SH3RF3: variants seen among roughly 807,000 people sequenced by gnomAD.
The protein encoded by SH3RF3 is E3 ubiquitin-protein ligase SH3RF3.
SH3RF3 carries 29 observed loss-of-function variants against 66.3 expected under a neutral mutation model. The observed-to-expected ratio is 0.44, with a 90% CI of 0.33 to 0.60. The LOEUF is 0.60. Among genes scored for constraint, SH3RF3 ranks in the 20% least tolerant of loss-of-function variants. The pLI, the probability that SH3RF3 is intolerant of heterozygous loss-of-function variation, is 0.04. For missense variants in SH3RF3, 1,194 were observed against 1,190.9 expected, an observed-to-expected ratio of 1.00 and a Z score of -0.04; for synonymous variants, 583 against 532.0, an observed-to-expected ratio of 1.10 and a Z score of -1.32.
intron 8 of SH3RF3, among the ~76,000 whole-genome samples, chr2:109,467,551 G>A (rs1263202702): frequency 2.0e-5 from 3 of 152,248 alleles, no homozygotes; most frequent in Non-Finnish European, 4.4e-5. Flanking sequence ...ACATCGCCCA[G>A]ATGGTGGGGC....
rs151325297 is a variant in SH3RF3 at position 109,387,828 on chromosome 2, T to C, written c.946-10762T>C. 6.5e-3 allele frequency among the ~76,000 whole-genome samples: 993 copies of C among 151,856 alleles called. 10 individuals are homozygous for C. The highest frequency in any genetic ancestry group is 0.052 in the East Asian group (271 of 5,162). On this transcript the variant is annotated intron_variant, in intron 3 of 9. Transcript: ENST00000309415. ...CTGCAGTAGGTGCCCAATTCCACCT[T>C]CTTCTTCCAAAGCAACAGCCCCAGA...
intron 1 of SH3RF3, among the ~76,000 whole-genome samples, chr2:109,145,197 A>G (rs1471772642): frequency 6.6e-6 from 1 of 152,076 alleles, no homozygotes; most frequent in African/African-American, 2.4e-5. Flanking sequence ...TGCTTCTGAG[A>G]CAGAGCCGTG....
At position 109,329,152 on chromosome 2, in the gene SH3RF3, G is replaced by A. The variant is rs115367870; in HGVS notation, c.574-18522G>A. On this transcript the variant is annotated intron_variant, in intron 1 of 9. Coordinates refer to ENST00000309415, the MANE Select transcript of SH3RF3 (RefSeq NM_001099289.3). Reference sequence around the variant, plus strand: ...CCTCTCTCCTACATTGGTTTCTCTCGTGTGGTTTCTCTGCGCATTTGTTTG... The same window carrying A: ...CCTCTCTCCTACATTGGTTTCTCTCATGTGGTTTCTCTGCGCATTTGTTTG... Among the ~76,000 whole-genome samples the A allele has an allele frequency of 7.5e-3, 1,147 of 152,128 alleles. 8 individuals carry two copies. The highest frequency in any genetic ancestry group is 0.024 in the Middle Eastern group (7 of 294).
intron 1 of SH3RF3, among the ~76,000 whole-genome samples, chr2:109,167,064 A>G (rs1677645792): frequency 1.3e-5 from 2 of 152,234 alleles, no homozygotes; most frequent in African/African-American, 4.8e-5. Flanking sequence ...CATGGAGGTC[A>G]GGCCAGTGGG....
At chr2:109,200,872 G>A (rs1003032914) in intron 1 of SH3RF3, among the ~76,000 whole-genome samples, 9 of 152,344 alleles carry the variant, frequency 5.9e-5, no homozygotes, top group Admixed American at 5.2e-4. Context: ...CCTGTCATGG[G>A]GTTTCCTATG....
chr2:109,501,121 G>C (rs2104417564), intron 9 of SH3RF3, among the ~76,000 whole-genome samples: 1 of 152,186 alleles, frequency 6.6e-6, no homozygotes, highest in Admixed American at 6.5e-5. Flanking sequence ...TGGGGCAAAT[G>C]GGGACACAGT....
chr2:109,321,345 T>C (rs1380005259), intron 1 of SH3RF3, among the ~76,000 whole-genome samples: 1 of 152,254 alleles, frequency 6.6e-6, no homozygotes, highest in East Asian at 1.9e-4. Context: ...GCCTCTTCCA[T>C]ACCAGAACGT....
chr2:109,497,485 C>T (rs540283671), intron 9 of SH3RF3, among the ~76,000 whole-genome samples: 1 of 152,326 alleles, frequency 6.6e-6, no homozygotes, highest in East Asian at 1.9e-4. Flanking sequence ...TCCTTGAGCC[C>T]TGTGTCTGAA....
intron 8 of SH3RF3, among the ~76,000 whole-genome samples, chr2:109,488,476 C>A (rs1311101378): frequency 2.0e-5 from 3 of 152,188 alleles, no homozygotes; most frequent in Non-Finnish European, 4.4e-5. Context: ...GCTGACGGGC[C>A]CAGCTGCAGG....
chr2:109,265,390 T>G (rs1288293039), intron 1 of SH3RF3, among the ~76,000 whole-genome samples: 1 of 152,228 alleles, frequency 6.6e-6, no homozygotes, highest in Admixed American at 6.5e-5. Context: ...CCTCACAGTT[T>G]ATCAGATGGT....
chr2:109,350,553 C>T (rs1648639621), intron 2 of SH3RF3, among the ~76,000 whole-genome samples: 2 of 152,234 alleles, frequency 1.3e-5, no homozygotes, highest in Non-Finnish European at 2.9e-5. Context: ...TTGGCCACCC[C>T]TGCTACCTGT....
chr2:109,283,684 C>T (rs1419416982), intron 1 of SH3RF3, among the ~76,000 whole-genome samples: 1 of 152,160 alleles, frequency 6.6e-6, no homozygotes, highest in Non-Finnish European at 1.5e-5. Flanking sequence ...GACAGTAGCC[C>T]CCTTTTGTGG....
At chr2:109,336,439 A>G (rs1161670775) in intron 1 of SH3RF3, among the ~76,000 whole-genome samples, 1 of 152,244 alleles carries the variant, frequency 6.6e-6, no homozygotes, top group Non-Finnish European at 1.5e-5. Context: ...GCTGCCACCA[A>G]TAAGTTTCTC....
intron 1 of SH3RF3, among the ~76,000 whole-genome samples, chr2:109,255,850 A>C (rs1040644476): frequency 3.3e-5 from 5 of 152,340 alleles, no homozygotes; most frequent in Non-Finnish European, 5.9e-5. Flanking sequence ...CAGAAAGAGA[A>C]GACAGTTAAA....
intron 8 of SH3RF3, among the ~76,000 whole-genome samples, chr2:109,479,861 C>A (rs1447236423): frequency 6.6e-6 from 1 of 152,134 alleles, no homozygotes; most frequent in African/African-American, 2.4e-5. Flanking sequence ...GCCCTCAGAG[C>A]CTTCATACGG....
chr2:109,230,314 G>A (rs574046279), intron 1 of SH3RF3, among the ~76,000 whole-genome samples: 1 of 152,184 alleles, frequency 6.6e-6, no homozygotes, highest in Admixed American at 6.5e-5. Flanking sequence ...AGTGCCTCAC[G>A]CCTGTAAACC....
In SH3RF3 at chr2:109,398,872, A is replaced by C; in HGVS notation, c.1228A>C (p.Ser410Arg). ...SMEISAPVLISSSDPRAAARI... is the reference protein window; with the variant it reads ...SMEISAPVLIRSSDPRAAARI... ...GGAAATTAGTGCTCCAGTGTTGATC[A>C]GCTCCAGCGATCCCCGAGCCGCGGC... Residue 410 changes from serine (S) to arginine (R), a missense_variant, in exon 4 of 10, where the codon AGC becomes CGC. By Grantham distance (110) the Ser-to-Arg change is moderately radical. Transcript: ENST00000309415. 2 of 1,613,830 alleles carry C rather than the reference A, an allele frequency of 1.2e-6. No homozygotes were observed. Among genetic ancestry groups the C allele is most frequent in the Non-Finnish European group, 1.7e-6 (2 of 1,179,862 alleles).
chr2:109,466,060 C>T lies in SH3RF3; in HGVS notation c.2148+16571C>T, dbSNP rs1023605527. 6.2e-5 allele frequency among the ~76,000 whole-genome samples: 9 copies of T among 145,550 alleles called. No individual in the cohort carries two copies. The East Asian group carries it at 1.7e-3, about 27-fold the overall frequency. ...GAGCATCTTTTCATATGCTTATCTG[C>T]TACCTGTACATCTTTTTTTTTTTTT... On this transcript the variant is annotated intron_variant, in intron 8 of 9. Coordinates refer to ENST00000309415, the MANE Select transcript of SH3RF3 (RefSeq NM_001099289.3).
chr2:109,129,792 C>T lies in SH3RF3; in HGVS notation c.252C>T (p.Ser84=), dbSNP rs1423087617. 3.2e-6 allele frequency: 5 copies of T among 1,539,184 alleles called. No homozygotes were observed. The African/African-American group carries it at 4.1e-5, about 13-fold the overall frequency. Residue 84 remains serine, a synonymous_variant, in exon 1 of 10, where the codon AGC becomes AGT. Transcript: ENST00000309415. ...QHTFCRRCLE[S]IVCSRHELRC... is the part of the protein sequence containing the mutation. Reference sequence around the variant, plus strand: ...CTTTCTGCCGCCGCTGCCTGGAGAGCATCGTGTGCTCGCGCCACGAGCTGC... The same window carrying T: ...CTTTCTGCCGCCGCTGCCTGGAGAGTATCGTGTGCTCGCGCCACGAGCTGC...
Sources: allele counts gnomAD v4.1 joint callset (sites outside exome capture counted in the v4.1 genomes callset), GRCh38; gene constraint gnomAD v4.1.1; transcripts MANE v1.5; gene names NCBI Gene and HGNC (gene_info 2026-07-23, HGNC 2026-07-21).